EZH2: variants seen among roughly 807,000 people sequenced by gnomAD.
EZH2 encodes the protein enhancer of zeste 2 polycomb repressive complex 2 subunit, also known as histone-lysine N-methyltransferase EZH2.
Under a neutral mutation model 98.4 loss-of-function variants are expected in EZH2, and 18 were observed. The ratio of observed to expected loss-of-function variants is 0.18; its 90% CI spans 0.13 to 0.27. EZH2 has a LOEUF of 0.27. Among genes scored for constraint, EZH2 ranks in the 10% least tolerant of loss-of-function variants. The pLI is 1.00. For missense variants in EZH2, 470 were observed against 935.1 expected (o/e 0.50, Z 6.49); for synonymous variants, 338 against 312.3 (o/e 1.08, Z -0.87).
At chr7:148,881,072 G>A (rs764456434) in intron 1 of EZH2, among the ~76,000 whole-genome samples, 1 of 152,132 alleles carries the variant, frequency 6.6e-6, no homozygotes, top group East Asian at 1.9e-4. Flanking sequence ...GCTCTCCCCC[G>A]AAGATTTCAC....
chr7:148,808,445 T>C (rs1318157397), intron 19 of EZH2, among the ~76,000 whole-genome samples: 1 of 152,238 alleles, frequency 6.6e-6, no homozygotes, highest in African/African-American at 2.4e-5. Context: ...TAGACAGTCA[T>C]CTGACTGCAC....
At chr7:148,858,358 G>A (rs1466605601) in intron 1 of EZH2, among the ~76,000 whole-genome samples, 1 of 151,964 alleles carries the variant, frequency 6.6e-6, no homozygotes, top group Non-Finnish European at 1.5e-5. Flanking sequence ...TTATTTTGAG[G>A]CAGGGCTCAC....
chr7:148,864,719 G>GT (rs1491535223), intron 1 of EZH2, among the ~76,000 whole-genome samples: 4 of 149,650 alleles, frequency 2.7e-5, no homozygotes, highest in Admixed American at 6.7e-5. Context: ...GAAAAAAAAA[G>GT]TTTAAGTTTT....
At chr7:148,815,195 C>T (rs773371966) in intron 13 of EZH2, among the ~76,000 whole-genome samples, 156 bp from the exon 14 acceptor site, 4 of 152,132 alleles carry the variant, frequency 2.6e-5, no homozygotes, top group Non-Finnish European at 4.4e-5. Context: ...GTTTCCACAA[C>T]GATGGCAAAA....
chr7:148,859,466 C>A (rs567026128), intron 1 of EZH2, among the ~76,000 whole-genome samples: 1 of 152,154 alleles, frequency 6.6e-6, no homozygotes, highest in South Asian at 2.1e-4. Context: ...AGATGTGCCA[C>A]TGCACCAGCC....
At chr7:148,819,493 T>A (rs1314719246) in intron 9 of EZH2, 103 bp downstream of exon 9, 6 of 879,318 alleles carry the variant, frequency 6.8e-6, no homozygotes, top group Non-Finnish European at 1.1e-5. Context: ...ATATGGCCCA[T>A]AACAGCATGG....
At chr7:148,839,053 T>TAAGGAAGGAAGGAGAAGGAAGGAAGG (rs1554402364) in intron 3 of EZH2, among the ~76,000 whole-genome samples, 12 of 107,744 alleles carry the variant, frequency 1.1e-4, no homozygotes, top group African/African-American at 4.1e-4. Context: ...CTCTGTCAAA[T>TAAGGAAGGAAGGAGAAGGAAGGAAGG]AAGGAAGGAA....
chr7:148,873,854 G>T (rs1819808403), intron 1 of EZH2, among the ~76,000 whole-genome samples: 1 of 44,924 alleles, frequency 2.2e-5, no homozygotes, highest in Non-Finnish European at 4.0e-5. Context: ...ATGAAGGGAA[G>T]GAGAGAGAAA....
intron 1 of EZH2, among the ~76,000 whole-genome samples, chr7:148,856,679 G>A (rs924595239): frequency 3.3e-5 from 5 of 152,140 alleles, no homozygotes; most frequent in African/African-American, 4.8e-5. Context: ...GAAAGGAGAC[G>A]GATAGGTCCG....
chr7:148,816,875 T>G, intron 11 of EZH2, 97 bp from the exon 12 acceptor site: 1 of 844,936 alleles, frequency 1.2e-6, no homozygotes, highest in East Asian at 2.5e-5. Context: ...TTGTCTCTTC[T>G]GTGACACTGC....
chr7:148,857,850 GCATT>G (rs1817070515), intron 1 of EZH2, among the ~76,000 whole-genome samples: 1 of 151,802 alleles, frequency 6.6e-6, no homozygotes, highest in African/African-American at 2.4e-5. Flanking sequence ...CAATGTAAAG[GCATT>G]CATTTTTAAA....
intron 19 of EZH2, among the ~76,000 whole-genome samples, chr7:148,808,173 A>T (rs1044122715): frequency 6.6e-6 from 1 of 152,236 alleles, no homozygotes; most frequent in Admixed American, 6.5e-5. Context: ...ACACCCAGAG[A>T]GGAGCACAAG....
intron 9 of EZH2, 104 bp downstream of exon 9, chr7:148,819,492 A>C: frequency 1.1e-6 from 1 of 871,076 alleles, no homozygotes; most frequent in African/African-American, 1.7e-5. Flanking sequence ...CATATGGCCC[A>C]TAACAGCATG....
intron 15 of EZH2, 50 bp downstream of exon 15, chr7:148,813,909 C>G (rs759484323): frequency 1.3e-6 from 2 of 1,561,828 alleles, no homozygotes; most frequent in South Asian, 1.2e-5. Flanking sequence ...ACATTTGCAT[C>G]ACTAAATAGC....
intron 1 of EZH2, among the ~76,000 whole-genome samples, chr7:148,872,838 C>A (rs935089183): frequency 2.0e-5 from 3 of 151,616 alleles, no homozygotes; most frequent in Non-Finnish European, 2.9e-5. Flanking sequence ...CTTTTTGATA[C>A]CTTTTTTTTT....
chr7:148,856,573 T>C (rs535273063), intron 1 of EZH2, among the ~76,000 whole-genome samples: 1 of 152,030 alleles, frequency 6.6e-6, no homozygotes, highest in African/African-American at 2.4e-5. Flanking sequence ...TTCCAATAAA[T>C]ACAAGGAAGC....
chr7:148,866,717 T>C (rs1040751629), intron 1 of EZH2, among the ~76,000 whole-genome samples: 8 of 147,630 alleles, frequency 5.4e-5, no homozygotes, highest in Non-Finnish European at 1.2e-4. Flanking sequence ...TATATATATA[T>C]ATTTATTCCT....
intron 1 of EZH2, among the ~76,000 whole-genome samples, chr7:148,871,924 T>C (rs1819474883): frequency 6.6e-6 from 1 of 152,128 alleles, no homozygotes; most frequent in African/African-American, 2.4e-5. Context: ...CACTTATAGA[T>C]GGATCCACAT....
chr7:148,849,233 T>C (rs942867963), intron 1 of EZH2, among the ~76,000 whole-genome samples: 2 of 152,040 alleles, frequency 1.3e-5, no homozygotes, highest in African/African-American at 4.8e-5. Flanking sequence ...AAGAAAAGAA[T>C]ATTAGGAACT....
Sources: allele counts gnomAD v4.1 joint callset (sites outside exome capture counted in the v4.1 genomes callset), GRCh38; gene constraint gnomAD v4.1.1; transcripts MANE v1.5; gene names NCBI Gene and HGNC (gene_info 2026-07-23, HGNC 2026-07-21).